The following AOAH variants were observed in gnomAD, a reference collection of about 807,000 sequenced individuals.
AOAH encodes acyloxyacyl hydrolase, also known as acyloxyacyl hydrolase (neutrophil).
AOAH carries 64 observed loss-of-function variants against 92.2 expected under a neutral mutation model. The observed-to-expected ratio is 0.69, with a 90% CI of 0.57 to 0.86. AOAH has a LOEUF of 0.86. Among genes scored for constraint, AOAH ranks in the 40% least tolerant of loss-of-function variants. The pLI is 0.00. For synonymous variants in AOAH, 263 were observed against 254.5 expected, an observed-to-expected ratio of 1.03 and a Z score of -0.32; for missense variants, 656 against 694.6, an observed-to-expected ratio of 0.94 and a Z score of 0.62.
intron 2 of AOAH, 64 bp downstream of exon 2, chr7:36,686,635 T>C: frequency 1.1e-6 from 1 of 873,590 alleles, no homozygotes; most frequent in Non-Finnish European, 1.6e-6. Context: ...GTAAAGGCAG[T>C]CATCATGACT....
chr7:36,695,878 G>A (rs1797676478), intron 1 of AOAH, among the ~76,000 whole-genome samples: 1 of 152,160 alleles, frequency 6.6e-6, no homozygotes, highest in Non-Finnish European at 1.5e-5. Flanking sequence ...CAATGTCACG[G>A]AGATTTCCTT....
intron 13 of AOAH, among the ~76,000 whole-genome samples, chr7:36,573,223 G>A (rs1788255759): frequency 6.6e-6 from 1 of 152,206 alleles, no homozygotes; most frequent in South Asian, 2.1e-4. Flanking sequence ...AGCCAGCTCT[G>A]CAGTTCTTGG....
intron 4 of AOAH, among the ~76,000 whole-genome samples, chr7:36,649,924 T>C (rs112831987): frequency 5.3e-4 from 80 of 152,332 alleles, no homozygotes; most frequent in African/African-American, 1.9e-3. Context: ...CCTGGATTCA[T>C]CCTAATCGAG....
intron 2 of AOAH, among the ~76,000 whole-genome samples, chr7:36,678,578 TGTGTGTGTGTGTGTGTGTGTGTGCGC>T (rs1278555717): frequency 7.8e-6 from 1 of 127,448 alleles, no homozygotes; most frequent in East Asian, 2.5e-4. Context: ...TGTGTGTGTG[TGTGTGTGTGTGTGTGTGTGTGTGCGC>T]GCGCGCGCGC....
chr7:36,534,357 A>G (rs1397290451), intron 16 of AOAH, among the ~76,000 whole-genome samples: 2 of 152,184 alleles, frequency 1.3e-5, no homozygotes. Flanking sequence ...GACCTGATTG[A>G]GAATGGGAAC....
chr7:36,630,974 T>C (rs995965640), intron 6 of AOAH, among the ~76,000 whole-genome samples: 17 of 152,154 alleles, frequency 1.1e-4, no homozygotes, highest in Admixed American at 2.6e-4. Flanking sequence ...TGAGGAAACA[T>C]ATCGAAAGTT....
At chr7:36,564,954 A>G (rs764366857) in intron 13 of AOAH, among the ~76,000 whole-genome samples, 6 of 152,238 alleles carry the variant, frequency 3.9e-5, no homozygotes, top group Non-Finnish European at 8.8e-5. Flanking sequence ...CAAAACCTTG[A>G]AAGTATTAAA....
At chr7:36,537,170 G>A (rs1282879847) in intron 16 of AOAH, among the ~76,000 whole-genome samples, 2 of 151,754 alleles carry the variant, frequency 1.3e-5, no homozygotes, top group African/African-American at 2.4e-5. Flanking sequence ...AGATAATTTA[G>A]GATGTGAATA....
chr7:36,561,185 G>A (rs1288884557), intron 13 of AOAH, among the ~76,000 whole-genome samples: 1 of 151,988 alleles, frequency 6.6e-6, no homozygotes, highest in African/African-American at 2.4e-5. Flanking sequence ...GGGATTACCA[G>A]CACCCACCAG....
intron 11 of AOAH, chr7:36,599,887 C>T (rs1009350217): frequency 6.5e-6 from 1 of 152,736 alleles, no homozygotes; most frequent in Non-Finnish European, 1.5e-5. Context: ...CTCCCATCTG[C>T]TCAGGTCCCC....
rs778139986 is a variant in AOAH, at chr7:36,512,989, T to A, written c.*263A>T. The stretch of plus-strand genomic sequence containing the variant: ...AACAATTAGCTGTAAAGGGCACAGA[T>A]ACTCTCTTGTTTGGAATGGCACCCA... On this transcript the variant is annotated 3_prime_UTR_variant, in exon 21 of 21. Coordinates refer to ENST00000617537, the MANE Select transcript of AOAH (RefSeq NM_001637.4). 3 of 1,441,290 alleles carry A rather than the reference T, an allele frequency of 2.1e-6. No homozygotes were observed. The highest frequency in any genetic ancestry group is 3.5e-4 in the Middle Eastern group (2 of 5,748). The allele number at this position is 1,441,290 out of a possible 1,614,324, so 89.3% of individuals were successfully genotyped here. A position where few individuals can be genotyped will look rare whatever the true frequency, so the allele number is the denominator to read the frequency against.
intron 13 of AOAH, among the ~76,000 whole-genome samples, chr7:36,551,595 C>G (rs1332387988): frequency 6.6e-6 from 1 of 152,218 alleles, no homozygotes; most frequent in Non-Finnish European, 1.5e-5. Context: ...CTAGGCACCT[C>G]ATGTAGATGG....
chr7:36,559,884 T>C (rs563066479), intron 13 of AOAH, among the ~76,000 whole-genome samples: 2 of 152,236 alleles, frequency 1.3e-5, no homozygotes, highest in African/African-American at 4.8e-5. Context: ...ATTTAATTCT[T>C]TAATCCATTT....
At chr7:36,691,017 CT>C (rs1797365735) in intron 1 of AOAH, among the ~76,000 whole-genome samples, 1 of 152,238 alleles carries the variant, frequency 6.6e-6, no homozygotes, top group Non-Finnish European at 1.5e-5. Flanking sequence ...GAAACCCACA[CT>C]TTGCTGAAAA....
chr7:36,561,581 T>TG (rs377436543), intron 13 of AOAH, among the ~76,000 whole-genome samples: 334 of 149,470 alleles, frequency 2.2e-3, no homozygotes, highest in African/African-American at 7.9e-3. Flanking sequence ...ACGCATCGGC[T>TG]GGGCCCTTCA....
At chr7:36,722,097 C>A (rs1799662846) in intron 1 of AOAH, among the ~76,000 whole-genome samples, 1 of 152,158 alleles carries the variant, frequency 6.6e-6, no homozygotes, top group Non-Finnish European at 1.5e-5. Context: ...ATCCATCAAT[C>A]CACCATCCGA....
intron 2 of AOAH, among the ~76,000 whole-genome samples, chr7:36,686,281 G>C (rs910351306): frequency 3.9e-5 from 6 of 152,184 alleles, no homozygotes; most frequent in African/African-American, 9.7e-5. Context: ...TCAACCCAAA[G>C]TTCTGTGTTG....
intron 11 of AOAH, among the ~76,000 whole-genome samples, chr7:36,596,163 G>C (rs1790094647): frequency 7.1e-6 from 1 of 141,306 alleles, no homozygotes; most frequent in South Asian, 2.2e-4. Flanking sequence ...AGAAATGAAA[G>C]CCCCCCCACC....
intron 11 of AOAH, among the ~76,000 whole-genome samples, chr7:36,612,856 T>C (rs949141094): frequency 6.6e-6 from 1 of 152,248 alleles, no homozygotes; most frequent in Non-Finnish European, 1.5e-5. Flanking sequence ...ATGTTCTTCA[T>C]CATTAAAAAT....
Sources: allele counts gnomAD v4.1 joint callset (sites outside exome capture counted in the v4.1 genomes callset), GRCh38; gene constraint gnomAD v4.1.1; transcripts MANE v1.5; gene names NCBI Gene and HGNC (gene_info 2026-07-23, HGNC 2026-07-21).